The following GRAP2 variants were observed in gnomAD, a reference collection of about 807,000 sequenced individuals.
The protein encoded by GRAP2 is GRB2 related adaptor protein 2, also known as GRB2-related adapter protein 2.
A neutral mutation model predicts 43.5 loss-of-function variants in GRAP2; 31 were observed. The ratio of observed to expected loss-of-function variants is 0.71; its 90% CI spans 0.54 to 0.96. GRAP2 has a LOEUF of 0.96. GRAP2 is among the 40% of genes least tolerant of loss of function. The pLI, the probability that GRAP2 is intolerant of heterozygous loss-of-function variation, is 0.00. For synonymous variants in GRAP2, 156 were observed against 164.8 expected (o/e 0.95, Z 0.41); for missense variants, 371 against 424.4 (o/e 0.87, Z 1.11).
At chr22:39,894,227 T>C in the GRAP2 span, among the ~76,000 whole-genome samples, 1 of 152,030 alleles carries the variant, frequency 6.6e-6, no homozygotes, top group Non-Finnish European at 1.5e-5. Context: ...ACTTCTAGCA[T>C]AATATCTCTT....
At chr22:39,918,187 T>C (rs888921131) in intron 1 of GRAP2, among the ~76,000 whole-genome samples, 1 of 152,206 alleles carries the variant, frequency 6.6e-6, no homozygotes, top group East Asian at 1.9e-4. Flanking sequence ...GCATCTCTTC[T>C]ACTGGGGAGG....
chr22:39,954,796 G>A (rs1712663662), intron 2 of GRAP2, among the ~76,000 whole-genome samples: 1 of 152,212 alleles, frequency 6.6e-6, no homozygotes. Flanking sequence ...GTCAAGTCTG[G>A]TGAGTAATAT....
chr22:39,962,949 G>T (rs780524041), intron 4 of GRAP2, among the ~76,000 whole-genome samples: 1 of 151,998 alleles, frequency 6.6e-6, no homozygotes, highest in Non-Finnish European at 1.5e-5. Flanking sequence ...GATTACAGGC[G>T]CGACCCACTG....
intron 5 of GRAP2, among the ~76,000 whole-genome samples, chr22:39,967,458 G>A (rs2067186171): frequency 6.6e-6 from 1 of 152,200 alleles, no homozygotes; most frequent in Non-Finnish European, 1.5e-5. Context: ...CTACATAATT[G>A]TTTGTTAAAT....
intron 1 of GRAP2, among the ~76,000 whole-genome samples, chr22:39,920,564 T>C (rs1408482560): frequency 6.6e-6 from 1 of 152,150 alleles, no homozygotes. Flanking sequence ...TGACTTTCTT[T>C]GGCACAGGCA....
chr22:39,924,332 C>G (rs1200829758), intron 1 of GRAP2, among the ~76,000 whole-genome samples: 1 of 152,330 alleles, frequency 6.6e-6, no homozygotes, highest in East Asian at 1.9e-4. Flanking sequence ...GGAAAAAGAA[C>G]TTCGGGCAGT....
At chr22:39,928,963 G>A (rs1470198451) in intron 1 of GRAP2, among the ~76,000 whole-genome samples, 1 of 152,176 alleles carries the variant, frequency 6.6e-6, no homozygotes, top group South Asian at 2.1e-4. Flanking sequence ...GCATTTAGGT[G>A]GCATTTGGTG....
rs549965673 is a variant in GRAP2, at chr22:39,962,149, G to A, written c.290+1975G>A. Among the ~76,000 whole-genome samples, 5 of 152,312 alleles carry A rather than the reference G, an allele frequency of 3.3e-5. No homozygotes were observed. In the South Asian group the frequency reaches 6.2e-4, roughly 19 times the overall value. On this transcript the variant is annotated intron_variant, in intron 4 of 7. Coordinates refer to ENST00000344138, the MANE Select transcript of GRAP2 (RefSeq NM_004810.4). Reference sequence around the variant, plus strand: ...CATATATTACAAGTCAGGGTCGGGCGCCGTGGCTCATGCCTCTAATCCCAG... The same window carrying A: ...CATATATTACAAGTCAGGGTCGGGCACCGTGGCTCATGCCTCTAATCCCAG...
rs1288778423 is a variant in GRAP2, at chr22:39,960,164, A to G, written c.280A>G (p.Ile94Val). Residue 94 changes from isoleucine to valine, a missense_variant, in exon 4 of 8, where the codon ATC (isoleucine) becomes GTC (valine). Physicochemically the swap from Ile to Val is conservative, Grantham distance 29. Coordinates refer to ENST00000344138, the MANE Select transcript of GRAP2 (RefSeq NM_004810.4). Reference sequence around the variant, plus strand: ...CCAGAGCTCCCCAGGGGACTTCTCCATCTCTGTCAGGTACTGACCATTCCT... The same window carrying G: ...CCAGAGCTCCCCAGGGGACTTCTCCGTCTCTGTCAGGTACTGACCATTCCT... Reference protein sequence around the residue: ...ASQSSPGDFSISVRHEDDVQH... With the variant: ...ASQSSPGDFSVSVRHEDDVQH... 1 of 1,613,664 alleles carries G rather than the reference A, an allele frequency of 6.2e-7. No individual in the cohort carries two copies. The highest frequency in any genetic ancestry group is 8.5e-7 in the Non-Finnish European group (1 of 1,179,674).
At chr22:39,950,453 G>A (rs2066970191) in intron 2 of GRAP2, among the ~76,000 whole-genome samples, 1 of 152,194 alleles carries the variant, frequency 6.6e-6, no homozygotes, top group Admixed American at 6.5e-5. Context: ...CTGTGCAAGG[G>A]CAGGGGCTGT....
intron 5 of GRAP2, among the ~76,000 whole-genome samples, chr22:39,967,825 G>A (rs1053612864): frequency 2.0e-5 from 3 of 152,182 alleles, no homozygotes; most frequent in Admixed American, 6.5e-5. Flanking sequence ...GTGAACCAGA[G>A]ACCTGCACTC....
At chr22:39,969,898 G>A (rs1601747687) in intron 7 of GRAP2, among the ~76,000 whole-genome samples, 1 of 152,192 alleles carries the variant, frequency 6.6e-6, no homozygotes, top group Non-Finnish European at 1.5e-5. Flanking sequence ...TGGGCAACAA[G>A]AGCGAAACTC....
At chr22:39,965,578 A>G (rs1000238583) in intron 4 of GRAP2, among the ~76,000 whole-genome samples, 8 of 152,224 alleles carry the variant, frequency 5.3e-5, no homozygotes, top group African/African-American at 1.9e-4. Flanking sequence ...GGCTTAAAGG[A>G]GATGGTTCAA....
chr22:39,917,308 C>T (rs1183547696), intron 1 of GRAP2, among the ~76,000 whole-genome samples: 1 of 152,166 alleles, frequency 6.6e-6, no homozygotes, highest in Non-Finnish European at 1.5e-5. Context: ...CCCCTCTCTA[C>T]AACTCCATGC....
intron 1 of GRAP2, among the ~76,000 whole-genome samples, chr22:39,933,773 G>A (rs1311242952): frequency 2.6e-5 from 4 of 151,386 alleles, no homozygotes; most frequent in South Asian, 4.2e-4. Flanking sequence ...CCTGGGAGGC[G>A]AATGTTTCAG....
intron 1 of GRAP2, among the ~76,000 whole-genome samples, chr22:39,934,497 G>C (rs1191818947): frequency 6.6e-6 from 1 of 152,220 alleles, no homozygotes; most frequent in Non-Finnish European, 1.5e-5. Flanking sequence ...GATATAACCA[G>C]AGGGTTAGGA....
intron 2 of GRAP2, among the ~76,000 whole-genome samples, chr22:39,954,095 C>T (rs1272694917): frequency 6.6e-6 from 1 of 152,236 alleles, no homozygotes; most frequent in Non-Finnish European, 1.5e-5. Context: ...GACTTGGCCT[C>T]AGTAACTCCT....
chr22:39,970,796 A>T, intron 7 of GRAP2, 109 bp from the exon 8 acceptor site: 1 of 1,016,026 alleles, frequency 9.8e-7, no homozygotes, highest in Non-Finnish European at 1.4e-6. Flanking sequence ...GTCAGCCTTC[A>T]GGGAATGTTG....
intron 1 of GRAP2, among the ~76,000 whole-genome samples, chr22:39,944,751 C>T (rs1047705635): frequency 1.3e-5 from 2 of 152,230 alleles, no homozygotes; most frequent in African/African-American, 2.4e-5. Flanking sequence ...AGCTGAGTTA[C>T]ATGTCATGTT....
Sources: gnomAD v4.1 joint callset for allele counts (sites outside exome capture counted in the v4.1 genomes callset) on GRCh38, gnomAD v4.1.1 for gene constraint, MANE v1.5 for transcripts, NCBI Gene and HGNC (gene_info 2026-07-23, HGNC 2026-07-21) for gene names.